The following DIAPH3 variants were observed in gnomAD, a reference collection of about 807,000 sequenced individuals.
DIAPH3 encodes the protein diaphanous related formin 3, also known as protein diaphanous homolog 3.
In DIAPH3, 117 loss-of-function variants were observed where a neutral mutation model predicts 144.3. That is an observed-to-expected ratio of 0.81 (90% CI 0.70 to 0.95). DIAPH3 has a LOEUF of 0.95. Ranked by LOEUF, DIAPH3 falls within the 40% of genes least tolerant of loss-of-function variation. The pLI, the probability that DIAPH3 is intolerant of heterozygous loss-of-function variation, is 0.00. For synonymous variants in DIAPH3, 519 were observed against 488.9 expected (o/e 1.06, Z -0.81); for missense variants, 1,421 against 1,412.7 (o/e 1.01, Z -0.09).
chr13:59,690,651 T>G (rs2033464760), intron 27 of DIAPH3, among the ~76,000 whole-genome samples: 1 of 152,210 alleles, frequency 6.6e-6, no homozygotes, highest in Non-Finnish European at 1.5e-5. Flanking sequence ...GGGAAATTGC[T>G]TTGTGAATTC....
At chr13:59,989,253 A>C (rs2051642824) in intron 12 of DIAPH3, among the ~76,000 whole-genome samples, 1 of 151,934 alleles carries the variant, frequency 6.6e-6, no homozygotes, top group East Asian at 1.9e-4. Flanking sequence ...TACACCAACA[A>C]GAGTAAGTTT....
intron 9 of DIAPH3, among the ~76,000 whole-genome samples, chr13:60,003,960 T>C (rs1411148338): frequency 6.6e-6 from 1 of 152,086 alleles, no homozygotes; most frequent in Non-Finnish European, 1.5e-5. Context: ...TAATATCAAA[T>C]GGGGGAAGTG....
intron 4 of DIAPH3, among the ~76,000 whole-genome samples, chr13:60,048,209 T>C (rs938394778): frequency 1.3e-5 from 2 of 152,088 alleles, no homozygotes; most frequent in Non-Finnish European, 2.9e-5. Flanking sequence ...CAAATGCAAC[T>C]CAGAAAAATG....
chr13:59,819,427 G>A (rs1177315701), intron 24 of DIAPH3, among the ~76,000 whole-genome samples: 2 of 151,750 alleles, frequency 1.3e-5, no homozygotes, highest in African/African-American at 4.8e-5. Context: ...GTTGTATTTT[G>A]GTGGGATGGA....
At chr13:59,697,949 T>C (rs2033907293) in intron 27 of DIAPH3, among the ~76,000 whole-genome samples, 1 of 152,248 alleles carries the variant, frequency 6.6e-6, no homozygotes, top group Non-Finnish European at 1.5e-5. Flanking sequence ...AAAATAATAG[T>C]TGCTTTTACA....
Position 60,053,792 on chromosome 13 carries a change from T to A in DIAPH3, c.496-10972A>T, listed in dbSNP as rs1308076139. ...GATTTTTGAAATAACTGAATGGTTT[T>A]TATACAACCATAAAGAATCTACCAT... On this transcript the variant is annotated intron_variant, in intron 4 of 27. Coordinates refer to ENST00000400324, the MANE Select transcript of DIAPH3 (RefSeq NM_001042517.2). Among the ~76,000 whole-genome samples the A allele has an allele frequency of 2.0e-5, 3 of 152,174 alleles. No homozygotes were observed. The East Asian group carries it at 5.8e-4, about 29-fold the overall frequency.
At chr13:59,957,637 C>T (rs557667035) in intron 17 of DIAPH3, among the ~76,000 whole-genome samples, 10 of 151,946 alleles carry the variant, frequency 6.6e-5, no homozygotes, top group East Asian at 3.9e-4. Context: ...GAAAAACTGC[C>T]GAATCTGCAA....
chr13:60,006,382 C>T (rs2052877134), intron 9 of DIAPH3, among the ~76,000 whole-genome samples: 1 of 151,950 alleles, frequency 6.6e-6, no homozygotes, highest in South Asian at 2.1e-4. Flanking sequence ...AGGATGGGAC[C>T]CCAGTTTTAC....
intron 5 of DIAPH3, among the ~76,000 whole-genome samples, chr13:60,021,358 C>T (rs1708578): frequency 0.023 from 3,551 of 152,342 alleles, 136 homozygotes; most frequent in African/African-American, 0.081. Context: ...GGCACCCTGG[C>T]TCACGCCTGT....
At chr13:59,698,734 T>C (rs143062252) in intron 27 of DIAPH3, among the ~76,000 whole-genome samples, 1 of 152,286 alleles carries the variant, frequency 6.6e-6, no homozygotes, top group East Asian at 1.9e-4. Flanking sequence ...TTAAATCAGC[T>C]TGAAGTAATC....
rs187898203 is a variant in DIAPH3, at chr13:60,106,592, G to A, written c.390+5418C>T. Among the ~76,000 whole-genome samples the A allele has an allele frequency of 5.7e-4, 86 of 152,034 alleles. 1 individual carries two copies. The highest frequency in any genetic ancestry group is 3.4e-3 in the Middle Eastern group (1 of 294). On this transcript the variant is annotated intron_variant, in intron 3 of 27. Coordinates refer to ENST00000400324, the MANE Select transcript of DIAPH3 (RefSeq NM_001042517.2). ...TAACAAAAGTAAAAAGACAAGACTC[G>A]GTCTAGGACAAGATATTTGCAACAC...
At chr13:59,985,577 T>A (rs2051346184) in intron 12 of DIAPH3, among the ~76,000 whole-genome samples, 1 of 58,606 alleles carries the variant, frequency 1.7e-5, no homozygotes, top group Non-Finnish European at 3.4e-5. Context: ...GAAAACCCCA[T>A]CGTCTCAGCC....
chr13:60,047,215 T>C (rs1381731276), intron 4 of DIAPH3, among the ~76,000 whole-genome samples: 1 of 151,914 alleles, frequency 6.6e-6, no homozygotes, highest in African/African-American at 2.4e-5. Context: ...CGTTATACCA[T>C]ACTCACAGAA....
chr13:59,858,164 A>C (rs2043361958), intron 22 of DIAPH3, among the ~76,000 whole-genome samples: 1 of 152,162 alleles, frequency 6.6e-6, no homozygotes, highest in Admixed American at 6.6e-5. Flanking sequence ...ACATCACCTA[A>C]AGAGAAGATC....
At chr13:59,881,736 C>T (rs776994028) in intron 20 of DIAPH3, among the ~76,000 whole-genome samples, 1 of 151,936 alleles carries the variant, frequency 6.6e-6, no homozygotes, top group Non-Finnish European at 1.5e-5. Context: ...GAACAAAGTG[C>T]TACAAGTTCA....
chr13:59,934,545 T>C (rs1302524408), intron 17 of DIAPH3, among the ~76,000 whole-genome samples: 2 of 152,170 alleles, frequency 1.3e-5, no homozygotes, highest in African/African-American at 4.8e-5. Context: ...ATCTATGAAT[T>C]ACTTGCATAA....
chr13:59,939,868 G>GTT (rs2048441533), intron 17 of DIAPH3, among the ~76,000 whole-genome samples: 1 of 139,302 alleles, frequency 7.2e-6, no homozygotes. Flanking sequence ...GTGTGTGTGT[G>GTT]TGTATCACTA....
chr13:59,854,013 A>T (rs1408331361), intron 22 of DIAPH3, among the ~76,000 whole-genome samples: 1 of 152,118 alleles, frequency 6.6e-6, no homozygotes. Context: ...TGGAAATAGG[A>T]ACTTTGCAGA....
intron 27 of DIAPH3, among the ~76,000 whole-genome samples, chr13:59,735,327 A>G (rs955404637): frequency 6.6e-6 from 1 of 152,214 alleles, no homozygotes; most frequent in Non-Finnish European, 1.5e-5. Flanking sequence ...GGTCATTTGA[A>G]GGAAAAGAAA....
Sources: gnomAD v4.1 joint callset for allele counts (sites outside exome capture counted in the v4.1 genomes callset) on GRCh38, gnomAD v4.1.1 for gene constraint, MANE v1.5 for transcripts, NCBI Gene and HGNC (gene_info 2026-07-23, HGNC 2026-07-21) for gene names.